The following THSD4 variants were observed in gnomAD, a reference collection of about 807,000 sequenced individuals.
THSD4 encodes thrombospondin type 1 domain containing 4.
Under a neutral mutation model 119.0 loss-of-function variants are expected in THSD4, and 69 were observed. The ratio of observed to expected loss-of-function variants is 0.58; its 90% confidence interval spans 0.48 to 0.71. THSD4 has a LOEUF of 0.71. Among genes scored for constraint, THSD4 ranks in the 30% least tolerant of loss-of-function variants. The pLI is 0.00. For synonymous variants in THSD4, 524 were observed against 540.4 expected (o/e 0.97, Z 0.42); for missense variants, 1,393 against 1,391.1 (o/e 1.00, Z -0.02).
chr15:71,216,059 C>T lies in THSD4; in HGVS notation c.464+660C>T, dbSNP rs369721477. ...CATAAATATGCCAAAGTAGGCATTG[C>T]GGTGCTGAGAAGAGCTTGTCAGTGA... On this transcript the variant is annotated intron_variant, in intron 4 of 17. Transcript: ENST00000261862. 3.9e-5 allele frequency among the ~76,000 whole-genome samples: 6 copies of T among 152,322 alleles called. No individual in the cohort carries two copies. In the South Asian group the frequency reaches 6.2e-4, roughly 16 times the overall value.
chr15:71,519,694 T>C (rs1407377559), intron 7 of THSD4, among the ~76,000 whole-genome samples: 3 of 152,222 alleles, frequency 2.0e-5, no homozygotes, highest in Non-Finnish European at 4.4e-5. Flanking sequence ...CTCTGGTTTC[T>C]ATGTATGGAA....
intron 7 of THSD4, 72 bp from the exon 8 acceptor site, chr15:71,660,458 G>A (rs1184084902): frequency 5.7e-6 from 9 of 1,580,624 alleles, no homozygotes; most frequent in Non-Finnish European, 7.8e-6. Context: ...CTTGCCCAGG[G>A]ATCTTCTCCC....
chr15:71,130,374 A>G (rs1053006455), intron 1 of THSD4, among the ~76,000 whole-genome samples: 17 of 152,014 alleles, frequency 1.1e-4, no homozygotes, highest in African/African-American at 4.1e-4. Flanking sequence ...TTTTGTAGAG[A>G]TGGAGTTTCG....
chr15:71,308,262 C>T (rs1438613385), intron 6 of THSD4, among the ~76,000 whole-genome samples: 1 of 152,192 alleles, frequency 6.6e-6, no homozygotes, highest in Non-Finnish European at 1.5e-5. Flanking sequence ...GTTTGAGCAT[C>T]GCAGGCCTGC....
upstream of THSD4, among the ~76,000 whole-genome samples, chr15:71,114,110 C>G (rs1366935346): frequency 1.3e-5 from 2 of 152,184 alleles, no homozygotes; most frequent in Non-Finnish European, 2.9e-5. Context: ...TTGGAACCAG[C>G]TCTTGAATCA....
chr15:71,325,252 C>T (rs189284767), intron 6 of THSD4, among the ~76,000 whole-genome samples: 1 of 152,320 alleles, frequency 6.6e-6, no homozygotes, highest in East Asian at 1.9e-4. Flanking sequence ...GGAATCATAT[C>T]TCTCATCCAG....
intron 5 of THSD4, among the ~76,000 whole-genome samples, chr15:71,244,646 G>A (rs1001043982): frequency 5.3e-5 from 8 of 152,152 alleles, no homozygotes; most frequent in African/African-American, 1.9e-4. Flanking sequence ...TAGGTGTCAC[G>A]GAGAATAACA....
chr15:71,619,264 G>A (rs1175299555), intron 7 of THSD4, among the ~76,000 whole-genome samples: 4 of 152,102 alleles, frequency 2.6e-5, no homozygotes, highest in South Asian at 2.1e-4. Flanking sequence ...GAGCCACCGC[G>A]CCTGGTCTTG....
intron 7 of THSD4, among the ~76,000 whole-genome samples, chr15:71,520,781 C>T (rs1237791240): frequency 6.6e-6 from 1 of 152,102 alleles, no homozygotes; most frequent in Non-Finnish European, 1.5e-5. Context: ...GTCATTTGCC[C>T]AAAGTGCTAT....
intron 10 of THSD4, among the ~76,000 whole-genome samples, chr15:71,736,189 C>T (rs2053099886): frequency 6.6e-6 from 1 of 150,574 alleles, no homozygotes; most frequent in African/African-American, 2.5e-5. Flanking sequence ...CACTCTGTCT[C>T]TCTCTTGCTC....
At chr15:71,123,563 T>C (rs922236593) in intron 1 of THSD4, among the ~76,000 whole-genome samples, 1 of 151,920 alleles carries the variant, frequency 6.6e-6, no homozygotes, top group African/African-American at 2.4e-5. Flanking sequence ...TGCCTGGGAG[T>C]GTGAGAGGCG....
chr15:71,758,589 G>A (rs779245129), intron 15 of THSD4, among the ~76,000 whole-genome samples: 1 of 152,164 alleles, frequency 6.6e-6, no homozygotes. Flanking sequence ...TTTAATAATT[G>A]ATGAATTACA....
chr15:71,596,266 C>A (rs1042170048), intron 7 of THSD4, among the ~76,000 whole-genome samples: 1 of 152,196 alleles, frequency 6.6e-6, no homozygotes, highest in African/African-American at 2.4e-5. Context: ...GTGTGTGTCA[C>A]CCTTCTGTGG....
chr15:71,524,273 C>A lies in THSD4; in HGVS notation c.1152+112450C>A, dbSNP rs191326201. On this transcript the variant is annotated intron_variant, in intron 7 of 17. Transcript: ENST00000261862. ...ACTGACACCAGTAACTGGCAGCTGG[C>A]AGAAGCCATTTGCAGGTTTGCACAG... Among the ~76,000 whole-genome samples the A allele has an allele frequency of 1.7e-3, 258 of 152,350 alleles. 1 individual carries two copies. The highest frequency in any genetic ancestry group is 3.5e-3 in the Admixed American group (54 of 15,302).
chr15:71,211,280 A>G (rs1184799797), intron 3 of THSD4, among the ~76,000 whole-genome samples: 1 of 152,226 alleles, frequency 6.6e-6, no homozygotes, highest in East Asian at 1.9e-4. Flanking sequence ...ATAATAAACC[A>G]TAGACTGGGT....
chr15:71,661,379 C>G (rs535355532), intron 8 of THSD4, among the ~76,000 whole-genome samples: 3 of 151,750 alleles, frequency 2.0e-5, no homozygotes, highest in African/African-American at 4.9e-5. Flanking sequence ...ACAAGCCAAT[C>G]GAACACATTA....
chr15:71,103,510 G>T (rs2040261910), intron 1 of THSD4, among the ~76,000 whole-genome samples: 1 of 152,102 alleles, frequency 6.6e-6, no homozygotes, highest in Admixed American at 6.5e-5. Context: ...CCTCCAGTGA[G>T]CAAGCTTGGG....
At chr15:71,340,965 A>T (rs2045559583) in intron 6 of THSD4, among the ~76,000 whole-genome samples, 1 of 152,062 alleles carries the variant, frequency 6.6e-6, no homozygotes, top group Non-Finnish European at 1.5e-5. Flanking sequence ...GAGGGTCTAC[A>T]CTGGTCCCTA....
intron 1 of THSD4, among the ~76,000 whole-genome samples, chr15:71,117,541 C>G (rs2040373684): frequency 6.6e-6 from 1 of 152,162 alleles, no homozygotes; most frequent in Non-Finnish European, 1.5e-5. Flanking sequence ...ATCGCAAAAT[C>G]TCTTCCACAT....
Sources: allele counts gnomAD v4.1 joint callset (sites outside exome capture counted in the v4.1 genomes callset), GRCh38; gene constraint gnomAD v4.1.1; transcripts MANE v1.5; gene names NCBI Gene and HGNC (gene_info 2026-07-23, HGNC 2026-07-21).